Variants in CTNNA3 observed in about 807,000 individuals in gnomAD.
The protein encoded by CTNNA3 is catenin alpha-3.
Under a neutral mutation model 95.7 loss-of-function variants are expected in CTNNA3, and 76 were observed. The observed-to-expected ratio is 0.79, with a 90% CI of 0.66 to 0.96. The LOEUF (loss-of-function observed/expected upper bound fraction) is 0.96, where lower values mean the gene tolerates loss of function less well. Ranked by LOEUF, CTNNA3 falls within the 40% of genes least tolerant of loss-of-function variation. CTNNA3 has a pLI of 0.00. For missense variants in CTNNA3, 1,191 were observed against 1,089.8 expected (o/e 1.09, Z -1.31); for synonymous variants, 431 against 374.4 (o/e 1.15, Z -1.74).
At chr10:66,189,600 T>TTTTATATATATATATATATA (rs1554883869) in intron 13 of CTNNA3, among the ~76,000 whole-genome samples, 5 of 89,356 alleles carry the variant, frequency 5.6e-5, no homozygotes, top group African/African-American at 2.3e-4. Flanking sequence ...TACTATAGAT[T>TTTTATATATATATATATATA]TATATATATA....
chr10:67,024,901 C>A (rs1042810655), intron 7 of CTNNA3, among the ~76,000 whole-genome samples: 1 of 151,928 alleles, frequency 6.6e-6, no homozygotes, highest in Non-Finnish European at 1.5e-5. Context: ...GGGGCCAAGG[C>A]GGGCGGATCA....
At chr10:66,247,871 G>A (rs1294595256) in intron 13 of CTNNA3, among the ~76,000 whole-genome samples, 1 of 152,056 alleles carries the variant, frequency 6.6e-6, no homozygotes, top group Non-Finnish European at 1.5e-5. Context: ...TAAAAGGAAA[G>A]GACATTAATG....
At chr10:66,206,273 T>G (rs1346882988) in intron 13 of CTNNA3, among the ~76,000 whole-genome samples, 1 of 151,962 alleles carries the variant, frequency 6.6e-6, no homozygotes, top group African/African-American at 2.4e-5. Context: ...ATTTCTGGGA[T>G]ATTATCTAAT....
intron 9 of CTNNA3, among the ~76,000 whole-genome samples, chr10:66,629,094 G>C (rs930317586): frequency 6.6e-6 from 1 of 152,072 alleles, no homozygotes; most frequent in African/African-American, 2.4e-5. Flanking sequence ...ATGGAGACCA[G>C]GAGAAGAAAA....
At chr10:67,609,108 A>C (rs1000524741) in intron 2 of CTNNA3, among the ~76,000 whole-genome samples, 3 of 151,856 alleles carry the variant, frequency 2.0e-5, no homozygotes, top group South Asian at 2.1e-4. Context: ...AAAAAAAAAA[A>C]AACAACCCAT....
At chr10:67,299,439 G>A (rs1256565750) in intron 5 of CTNNA3, among the ~76,000 whole-genome samples, 2 of 152,106 alleles carry the variant, frequency 1.3e-5, no homozygotes, top group Non-Finnish European at 2.9e-5. Flanking sequence ...TACTATGGTG[G>A]CATTTAGAGT....
chr10:66,485,873 G>A (rs998021575), intron 11 of CTNNA3, among the ~76,000 whole-genome samples: 8 of 152,080 alleles, frequency 5.3e-5, no homozygotes, highest in African/African-American at 1.9e-4. Flanking sequence ...AAAACAGCAT[G>A]GTTGGCATAA....
At chr10:66,442,187 A>G (rs969169923) in intron 11 of CTNNA3, among the ~76,000 whole-genome samples, 1 of 152,116 alleles carries the variant, frequency 6.6e-6, no homozygotes, top group African/African-American at 2.4e-5. Context: ...ATTATAAGTA[A>G]CCCTGTAGCA....
At chr10:66,358,827 G>A (rs531031540) in intron 12 of CTNNA3, among the ~76,000 whole-genome samples, 2 of 152,212 alleles carry the variant, frequency 1.3e-5, no homozygotes, top group African/African-American at 4.8e-5. Flanking sequence ...ATAATGTTTA[G>A]ATTCCTACTT....
intron 5 of CTNNA3, among the ~76,000 whole-genome samples, chr10:67,512,828 T>C (rs1022650626): frequency 4.0e-5 from 6 of 151,550 alleles, no homozygotes; most frequent in Non-Finnish European, 7.4e-5. Flanking sequence ...CTACTAAAAA[T>C]ACAAAAATTA....
At chr10:66,309,683 C>A (rs1315523315) in intron 12 of CTNNA3, among the ~76,000 whole-genome samples, 6 of 42,710 alleles carry the variant, frequency 1.4e-4, no homozygotes, top group African/African-American at 4.6e-4. Flanking sequence ...GAGACTCCGT[C>A]TCAAAAAAAA....
chr10:66,840,121 C>T (rs983485506), intron 7 of CTNNA3, among the ~76,000 whole-genome samples: 5 of 152,098 alleles, frequency 3.3e-5, no homozygotes, highest in African/African-American at 1.2e-4. Context: ...ATTCTGGCTG[C>T]AATATTATTG....
At chr10:67,058,420 G>T (rs750561179) in intron 7 of CTNNA3, among the ~76,000 whole-genome samples, 1 of 152,082 alleles carries the variant, frequency 6.6e-6, no homozygotes, top group Non-Finnish European at 1.5e-5. Flanking sequence ...ACAATTTCTG[G>T]CTGTAAATCA....
chr10:66,277,875 G>A (rs1255421720), intron 13 of CTNNA3, among the ~76,000 whole-genome samples: 3 of 151,952 alleles, frequency 2.0e-5, no homozygotes, highest in African/African-American at 4.8e-5. Context: ...TGTACTTAGA[G>A]ACATGTTCTC....
chr10:67,685,347 C>A (rs1423984548), intron 1 of CTNNA3, among the ~76,000 whole-genome samples: 1 of 152,226 alleles, frequency 6.6e-6, no homozygotes, highest in Non-Finnish European at 1.5e-5. Flanking sequence ...ACAGCTTGCA[C>A]ATTTAAGCAG....
chr10:67,038,963 T>C (rs1362623485), intron 7 of CTNNA3, among the ~76,000 whole-genome samples: 2 of 152,094 alleles, frequency 1.3e-5, no homozygotes, highest in Non-Finnish European at 2.9e-5. Context: ...AGAAGATTCA[T>C]GATAGATATT....
At chr10:66,251,856 A>G (rs1213116416) in intron 13 of CTNNA3, among the ~76,000 whole-genome samples, 1 of 152,148 alleles carries the variant, frequency 6.6e-6, no homozygotes, top group Non-Finnish European at 1.5e-5. Flanking sequence ...CCTCAGTGGG[A>G]GATTTATCAT....
intron 12 of CTNNA3, among the ~76,000 whole-genome samples, chr10:66,316,906 A>G (rs1443616944): frequency 6.6e-6 from 1 of 152,142 alleles, no homozygotes; most frequent in African/African-American, 2.4e-5. Flanking sequence ...ATAACTGATT[A>G]CGGCAGAATA....
chr10:66,674,845 G>T (rs1232119670), intron 9 of CTNNA3, among the ~76,000 whole-genome samples: 1 of 152,022 alleles, frequency 6.6e-6, no homozygotes, highest in Admixed American at 6.6e-5. Context: ...GAACAGAAAG[G>T]TTGATTTATT....
Sources: allele counts gnomAD v4.1 joint callset (sites outside exome capture counted in the v4.1 genomes callset), GRCh38; gene constraint gnomAD v4.1.1; transcripts MANE v1.5; gene names NCBI Gene and HGNC (gene_info 2026-07-23, HGNC 2026-07-21).